Variants in RBMS2 observed in about 807,000 individuals in gnomAD.
RBMS2 encodes the protein RNA-binding motif, single-stranded-interacting protein 2.
Under a neutral mutation model 58.4 loss-of-function variants are expected in RBMS2, and 38 were observed. The observed-to-expected ratio is 0.65, with a 90% CI of 0.50 to 0.85. The LOEUF (loss-of-function observed/expected upper bound fraction) is 0.85. Among genes scored for constraint, RBMS2 ranks in the 40% least tolerant of loss-of-function variants. The probability of loss-of-function intolerance (pLI) is 0.00; values close to 1 mark genes in which losing one functional copy is unlikely to be tolerated. For missense variants in RBMS2, 367 were observed against 503.7 expected (o/e 0.73, Z 2.60); for synonymous variants, 151 against 180.7 (o/e 0.84, Z 1.32).
chr12:56,548,223 G>A (rs1374384375), intron 1 of RBMS2, among the ~76,000 whole-genome samples: 1 of 151,970 alleles, frequency 6.6e-6, no homozygotes, highest in Non-Finnish European at 1.5e-5. Flanking sequence ...AAGGTGGGCA[G>A]ATCACATGAG....
At chr12:56,542,411 T>TC (rs1234907067) in intron 1 of RBMS2, among the ~76,000 whole-genome samples, 1 of 15,160 alleles carries the variant, frequency 6.6e-5, no homozygotes, top group Non-Finnish European at 5.6e-4. Flanking sequence ...ACTAAATCCC[T>TC]TTACCTGTTT....
intron 1 of RBMS2, among the ~76,000 whole-genome samples, chr12:56,554,299 G>A (rs538012496): frequency 6.6e-6 from 1 of 152,208 alleles, no homozygotes; most frequent in South Asian, 2.1e-4. Flanking sequence ...AAGATTTAGA[G>A]CTTTCTCTTC....
chr12:56,547,769 C>T (rs1206748850), intron 1 of RBMS2, among the ~76,000 whole-genome samples: 2 of 151,808 alleles, frequency 1.3e-5, no homozygotes, highest in East Asian at 2.0e-4. Flanking sequence ...CTGCCTCAGC[C>T]TCCCAAGTAG....
intron 1 of RBMS2, among the ~76,000 whole-genome samples, chr12:56,535,864 G>C (rs1874693383): frequency 6.6e-6 from 1 of 152,058 alleles, no homozygotes; most frequent in Non-Finnish European, 1.5e-5. Flanking sequence ...TTATTGAGCT[G>C]TTAGTAATGA....
Position 56,521,822 on chromosome 12 carries a change from C to A in RBMS2, c.-202C>A. ...TTCTCTCAGTGACGTAAAGGAGCAG[C>A]CCGAGCTCATTCTCTGCCCGCAGCC... On this transcript the variant is annotated 5_prime_UTR_variant, in exon 1 of 14. Coordinates refer to ENST00000262031, the MANE Select transcript of RBMS2 (RefSeq NM_002898.4). 1.7e-6 allele frequency: 1 copy of A among 572,152 alleles called. No homozygotes were observed. Among genetic ancestry groups the A allele is most frequent in the Non-Finnish European group, 3.1e-6 (1 of 327,214 alleles). The allele number at this position is 572,152 out of a possible 1,614,324, so 35.4% of individuals were successfully genotyped here.
chr12:56,525,282 C>T (rs1011072213), intron 1 of RBMS2, among the ~76,000 whole-genome samples: 5 of 150,500 alleles, frequency 3.3e-5, no homozygotes, highest in Non-Finnish European at 7.4e-5. Flanking sequence ...AGTCCAGTGG[C>T]GCGATCCTGG....
intron 1 of RBMS2, among the ~76,000 whole-genome samples, chr12:56,550,026 C>T (rs762515520): frequency 4.0e-5 from 6 of 150,932 alleles, no homozygotes; most frequent in African/African-American, 1.2e-4. Context: ...AACTCCGTCT[C>T]GCAAAAAAAA....
Position 56,591,175 on chromosome 12 carries a change from C to T in RBMS2, c.*2042C>T, listed in dbSNP as rs1885278540. The T allele has an allele frequency of 6.6e-6, 1 of 152,094 alleles. No individual in the cohort carries two copies. The highest frequency in any genetic ancestry group is 2.4e-5 in the African/African-American group (1 of 41,406). The allele number at this position is 152,094 out of a possible 1,614,324, so 9.4% of individuals were successfully genotyped here. The stretch of plus-strand genomic sequence containing the variant: ...GCCAGGTGCCTCTCCACTAGACAGT[C>T]AGACAAAGGCAAATAATGGAGGATA... On this transcript the variant is annotated 3_prime_UTR_variant, in exon 14 of 14. Coordinates refer to ENST00000262031, the MANE Select transcript of RBMS2 (RefSeq NM_002898.4).
intron 2 of RBMS2, among the ~76,000 whole-genome samples, chr12:56,565,359 TATTTTTTTAG>T (rs1020082015): frequency 6.6e-6 from 1 of 152,222 alleles, no homozygotes; most frequent in Non-Finnish European, 1.5e-5. Context: ...ACCCAACAGT[TATTTTTTTAG>T]TTTTTTTTCC....
intron 1 of RBMS2, among the ~76,000 whole-genome samples, chr12:56,528,196 G>A (rs1395922360): frequency 1.3e-5 from 2 of 151,018 alleles, no homozygotes; most frequent in Non-Finnish European, 2.9e-5. Context: ...GCTACAGTGA[G>A]CCATGATCAT....
chr12:56,582,709 C>T (rs536729713), intron 9 of RBMS2, among the ~76,000 whole-genome samples: 1 of 152,328 alleles, frequency 6.6e-6, no homozygotes, highest in South Asian at 2.1e-4. Flanking sequence ...CCCTCTGTTG[C>T]CCAGGCTGGA....
chr12:56,521,849 C>A lies in RBMS2; in HGVS notation c.-175C>A, dbSNP rs1592297791. The A allele has an allele frequency of 3.9e-6, 2 of 514,664 alleles. No homozygotes were observed. Among genetic ancestry groups the A allele is most frequent in the African/African-American group, 2.1e-5 (1 of 48,704 alleles). The allele number at this position is 514,664 out of a possible 1,614,324, so 31.9% of individuals were successfully genotyped here. ...CGAGCTCATTCTCTGCCCGCAGCCC[C>A]CCTTCATCTCTCTCCTCCTGCTCCT... On this transcript the variant is annotated 5_prime_UTR_variant, in exon 1 of 14. Coordinates refer to ENST00000262031, the MANE Select transcript of RBMS2 (RefSeq NM_002898.4).
intron 1 of RBMS2, 27 bp downstream of exon 1, chr12:56,522,116 T>C: frequency 6.6e-7 from 1 of 1,517,138 alleles, no homozygotes. Flanking sequence ...TTTTGGTATC[T>C]AGCTACTTCT....
At chr12:56,563,245 C>T (rs1880757583) in intron 2 of RBMS2, among the ~76,000 whole-genome samples, 1 of 152,168 alleles carries the variant, frequency 6.6e-6, no homozygotes, top group Non-Finnish European at 1.5e-5. Flanking sequence ...ACTTTATTTC[C>T]AGCACCTCCC....
chr12:56,588,848 G>A, intron 12 of RBMS2, 84 bp from the exon 13 acceptor site: 2 of 1,332,894 alleles, frequency 1.5e-6, no homozygotes, highest in Non-Finnish European at 2.1e-6. Context: ...GGCACTCGAT[G>A]TAGGGTGGGC....
chr12:56,588,742 G>A (rs887057682), intron 12 of RBMS2, 190 bp from the exon 13 acceptor site: 22 of 633,738 alleles, frequency 3.5e-5, no homozygotes, highest in Admixed American at 8.5e-5. Flanking sequence ...TGACTAATGC[G>A]TCTTGGGAAG....
intron 1 of RBMS2, among the ~76,000 whole-genome samples, chr12:56,524,442 G>C (rs1592304854): frequency 1.3e-5 from 2 of 150,692 alleles, no homozygotes; most frequent in African/African-American, 4.9e-5. Flanking sequence ...TTTTGAGATG[G>C]AGTCTCGCTC....
intron 12 of RBMS2, 200 bp downstream of exon 12, chr12:56,588,574 C>T: frequency 3.3e-6 from 2 of 598,522 alleles, no homozygotes; most frequent in Non-Finnish European, 5.9e-6. Context: ...AAGATTATGG[C>T]CCCTGTGCAA....
chr12:56,532,037 G>C (rs1019092261), intron 1 of RBMS2, among the ~76,000 whole-genome samples: 6 of 148,148 alleles, frequency 4.1e-5, no homozygotes, highest in Non-Finnish European at 6.0e-5. Flanking sequence ...TCTGGCCAAC[G>C]TGGTAACCCT....
Sources: gnomAD v4.1 joint callset for allele counts (sites outside exome capture counted in the v4.1 genomes callset) on GRCh38, gnomAD v4.1.1 for gene constraint, MANE v1.5 for transcripts, NCBI Gene and HGNC (gene_info 2026-07-23, HGNC 2026-07-21) for gene names.